Variants in SEPTIN11 observed in about 807,000 individuals in gnomAD.
SEPTIN11 encodes the protein septin-11.
Under a neutral mutation model 51.4 loss-of-function variants are expected in SEPTIN11, and 25 were observed. The ratio of observed to expected loss-of-function variants is 0.49; its 90% CI spans 0.35 to 0.68. The LOEUF is 0.68. Ranked by LOEUF, SEPTIN11 falls within the 30% of genes least tolerant of loss-of-function variation. The pLI is 0.00. For synonymous variants in SEPTIN11, 174 were observed against 184.1 expected (o/e 0.95, Z 0.44); for missense variants, 381 against 520.8 (o/e 0.73, Z 2.61).
At chr4:77,019,017 A>C in intron 5 of SEPTIN11, 148 bp from the exon 6 acceptor site, 1 of 629,662 alleles carries the variant, frequency 1.6e-6, no homozygotes, top group Non-Finnish European at 2.8e-6. Context: ...GGGGGGTGGG[A>C]TACGTGACAT....
At chr4:77,011,196 C>T (rs1196945458) in intron 3 of SEPTIN11, among the ~76,000 whole-genome samples, 1 of 152,112 alleles carries the variant, frequency 6.6e-6, no homozygotes, top group African/African-American at 2.4e-5. Context: ...GGGAATAGCT[C>T]GCAGTAGGTG....
At chr4:76,968,108 T>C (rs1454089569) in intron 1 of SEPTIN11, among the ~76,000 whole-genome samples, 2 of 152,162 alleles carry the variant, frequency 1.3e-5, no homozygotes, top group Admixed American at 6.5e-5. Flanking sequence ...CTATTTTTGG[T>C]TGAGTTCCAA....
chr4:76,975,428 C>T lies in SEPTIN11; in HGVS notation c.28-20997C>T, dbSNP rs78411213. The stretch of plus-strand genomic sequence containing the variant: ...CTTCAATCCGCTTCTATTATTATTA[C>T]TTCAAGTTTGAAATATATTTACTTA... On this transcript the variant is annotated intron_variant, in intron 1 of 9. Coordinates refer to ENST00000264893, the MANE Select transcript of SEPTIN11 (RefSeq NM_018243.4). Among the ~76,000 whole-genome samples the T allele has an allele frequency of 4.5e-3, 685 of 152,282 alleles. 9 individuals are homozygous for T. Among genetic ancestry groups the T allele is most frequent in the African/African-American group, 0.015 (643 of 41,570 alleles).
chr4:76,952,188 A>T (rs138715219), intron 1 of SEPTIN11, among the ~76,000 whole-genome samples: 1 of 152,308 alleles, frequency 6.6e-6, no homozygotes, highest in African/African-American at 2.4e-5. Flanking sequence ...AAGACTCTTG[A>T]GACACAGCTC....
At chr4:76,978,034 A>G (rs574738529) in intron 1 of SEPTIN11, among the ~76,000 whole-genome samples, 1 of 152,292 alleles carries the variant, frequency 6.6e-6, no homozygotes, top group South Asian at 2.1e-4. Context: ...TTTTCTCTGC[A>G]ACTAATTCTT....
At position 77,020,583 on chromosome 4, in the gene SEPTIN11, C is replaced by G; in HGVS notation, c.866C>G (p.Thr289Ser). The G allele has an allele frequency of 1.9e-6, 3 of 1,613,490 alleles. No homozygotes were observed. The highest frequency in any genetic ancestry group is 2.2e-5 in the South Asian group (2 of 90,922). The part of the protein sequence containing the change: ...RVNMEDLREQ[T>S]HTRHYELYRR... ...AACATGGAGGACTTGCGAGAGCAGA[C>G]TCACACCCGCCACTATGAATTGTAC... Residue 289 changes from threonine to serine, a missense_variant, in exon 7 of 10, where the codon ACT (threonine) becomes AGT (serine). By Grantham distance (58) the Thr-to-Ser change is moderately conservative (BLOSUM62 1). Coordinates refer to ENST00000264893, the MANE Select transcript of SEPTIN11 (RefSeq NM_018243.4).
chr4:77,016,570 A>AAT (rs199587176), intron 5 of SEPTIN11, among the ~76,000 whole-genome samples: 1 of 141,728 alleles, frequency 7.1e-6, no homozygotes. Flanking sequence ...TATATGCTAA[A>AAT]ATATATATAT....
At chr4:76,983,346 A>G (rs1433680579) in intron 1 of SEPTIN11, among the ~76,000 whole-genome samples, 1 of 152,216 alleles carries the variant, frequency 6.6e-6, no homozygotes, top group African/African-American at 2.4e-5. Flanking sequence ...TTTGGAGCTG[A>G]GTGCAGCCTC....
chr4:77,010,791 CCT>C (rs1243268346), intron 3 of SEPTIN11, among the ~76,000 whole-genome samples: 13 of 149,100 alleles, frequency 8.7e-5, no homozygotes, highest in African/African-American at 3.1e-4. Flanking sequence ...TCTTCGTATT[CCT>C]AATAGAACAG....
At chr4:76,960,476 C>G (rs1383244870) in intron 1 of SEPTIN11, among the ~76,000 whole-genome samples, 1 of 152,124 alleles carries the variant, frequency 6.6e-6, no homozygotes, top group Non-Finnish European at 1.5e-5. Flanking sequence ...GTATCAAAAT[C>G]ACTAATAATT....
intron 5 of SEPTIN11, 54 bp downstream of exon 5, chr4:77,015,071 T>A: frequency 6.3e-7 from 1 of 1,575,094 alleles, no homozygotes; most frequent in Non-Finnish European, 8.7e-7. Context: ...CCTGTCTTAG[T>A]AGCAGCATTG....
rs201383787 is a variant in SEPTIN11, at chr4:77,037,010, T to A, written c.*2498T>A. The stretch of plus-strand genomic sequence containing the variant: ...ATATTTAAAAGGCCACATTTATATT[T>A]TTTTCACAAGAACCACATAATAAAT... On this transcript the variant is annotated 3_prime_UTR_variant, in exon 10 of 10. Coordinates refer to ENST00000264893, the MANE Select transcript of SEPTIN11 (RefSeq NM_018243.4). 8.0e-7 allele frequency: 1 copy of A among 1,251,304 alleles called. No homozygotes were observed. The highest frequency in any genetic ancestry group is 3.3e-5 in the East Asian group (1 of 30,302). 77.5% of individuals were successfully genotyped at this position (1,251,304 alleles called of 1,614,324 possible).
At chr4:77,016,659 CATAT>C (rs776737427) in intron 5 of SEPTIN11, among the ~76,000 whole-genome samples, 1 of 65,704 alleles carries the variant, frequency 1.5e-5, no homozygotes. Flanking sequence ...TATATATACA[CATAT>C]ATATATATAT....
At position 77,034,504 on chromosome 4, in the gene SEPTIN11, T is replaced by G; in HGVS notation, c.1282T>G (p.Phe428Val). 1 of 1,565,934 alleles carries G rather than the reference T, an allele frequency of 6.4e-7. No individual in the cohort carries two copies. Among genetic ancestry groups the G allele is most frequent in the Non-Finnish European group, 8.6e-7 (1 of 1,160,528 alleles). The change falls in exon 10 of 10, where the codon TTC becomes GTC. Residue 428 changes from phenylalanine to valine, a missense_variant. Around this residue, in one of 2 missense-constraint regions of SEPTIN11, gnomAD observed 197 missense variants for 313.1 expected, o/e 0.63. Transcript: ENST00000264893. Reference protein sequence around the residue: ...KKDKDKKNASFT With the variant: ...KKDKDKKNASVT ...TTGTTTTTTAACTTGCAGTGCAAGC[T>G]TCACATAAAGCCTGGCAAGCCAAGG...
chr4:76,989,147 A>G (rs1165363123), intron 1 of SEPTIN11, among the ~76,000 whole-genome samples: 1 of 152,250 alleles, frequency 6.6e-6, no homozygotes, highest in Non-Finnish European at 1.5e-5. Flanking sequence ...AGGAGGAAAC[A>G]TAAGCCCGAG....
chr4:76,994,337 T>C (rs940777133), intron 1 of SEPTIN11, among the ~76,000 whole-genome samples: 4 of 152,210 alleles, frequency 2.6e-5, no homozygotes, highest in Non-Finnish European at 4.4e-5. Flanking sequence ...ACACCTGCTG[T>C]CTGAACCTTT....
At chr4:77,014,185 T>G (rs1308045172) in intron 4 of SEPTIN11, among the ~76,000 whole-genome samples, 2 of 152,238 alleles carry the variant, frequency 1.3e-5, no homozygotes, top group African/African-American at 4.8e-5. Context: ...TTGATGGAAT[T>G]ACTGATTTTC....
At chr4:76,953,289 A>G (rs1329938880) in intron 1 of SEPTIN11, among the ~76,000 whole-genome samples, 1 of 152,142 alleles carries the variant, frequency 6.6e-6, no homozygotes, top group African/African-American at 2.4e-5. Flanking sequence ...CAGGAGCTTT[A>G]TTGTTTGAGA....
intron 2 of SEPTIN11, among the ~76,000 whole-genome samples, chr4:77,001,740 T>C (rs990991201): frequency 3.3e-5 from 5 of 152,200 alleles, no homozygotes; most frequent in African/African-American, 7.2e-5. Flanking sequence ...TCTGAAAATA[T>C]TGTTATGGTT....
Sources: gnomAD v4.1 joint callset for allele counts (sites outside exome capture counted in the v4.1 genomes callset) on GRCh38, gnomAD v4.1.1 for gene constraint, gnomAD v4.1.1 regional missense constraint, MANE v1.5 for transcripts, NCBI Gene and HGNC (gene_info 2026-07-23, HGNC 2026-07-21) for gene names.